TPH2: variants seen among roughly 807,000 people sequenced by gnomAD.
TPH2 encodes the protein tryptophan 5-hydroxylase 2.
Under a neutral mutation model 59.1 loss-of-function variants are expected in TPH2, and 27 were observed. The ratio of observed to expected loss-of-function variants is 0.46; its 90% confidence interval spans 0.34 to 0.63. TPH2 has a LOEUF of 0.63. Among genes scored for constraint, TPH2 ranks in the 30% least tolerant of loss-of-function variants. TPH2 has a pLI of 0.01. For missense variants in TPH2, 523 were observed against 588.3 expected (o/e 0.89, Z 1.15); for synonymous variants, 220 against 210.5 (o/e 1.05, Z -0.39).
intron 8 of TPH2, among the ~76,000 whole-genome samples, chr12:72,009,296 A>G (rs1188745876): frequency 6.6e-6 from 1 of 152,162 alleles, no homozygotes; most frequent in Non-Finnish European, 1.5e-5. Flanking sequence ...TCTGGCTACC[A>G]GCTCTCTTGG....
chr12:71,997,895 CA>C (rs944345158), intron 8 of TPH2, among the ~76,000 whole-genome samples: 17 of 152,264 alleles, frequency 1.1e-4, no homozygotes, highest in African/African-American at 4.1e-4. Flanking sequence ...TTTAGCTGAA[CA>C]TTCACCATGT....
At chr12:71,950,689 G>A (rs965088452) in intron 5 of TPH2, among the ~76,000 whole-genome samples, 2 of 152,124 alleles carry the variant, frequency 1.3e-5, no homozygotes, top group Admixed American at 1.3e-4. Context: ...AATCCATCTC[G>A]TAAGGGAAAG....
chr12:72,019,238 G>T (rs1372010042), intron 8 of TPH2, among the ~76,000 whole-genome samples: 2 of 152,148 alleles, frequency 1.3e-5, no homozygotes, highest in Non-Finnish European at 2.9e-5. Context: ...CTACTCTTGT[G>T]TGCCACTGCC....
rs547000530 is a variant in TPH2, at chr12:72,007,131, C to T, written c.1068+12566C>T. ...ACAAAATGGTTTTAGATGGAGATAG[C>T]ATGCTACTTTGCAATGTAAAGTGTT... On this transcript the variant is annotated intron_variant, in intron 8 of 10. Transcript: ENST00000333850. 7.9e-5 allele frequency among the ~76,000 whole-genome samples: 12 copies of T among 152,212 alleles called. No individual in the cohort carries two copies. In the East Asian group the frequency reaches 2.1e-3, roughly 27 times the overall value.
intron 5 of TPH2, among the ~76,000 whole-genome samples, chr12:71,954,221 G>C (rs1041226854): frequency 1.3e-5 from 2 of 152,142 alleles, no homozygotes; most frequent in South Asian, 4.2e-4. Flanking sequence ...CCACTCAGGC[G>C]AGCTTCTGAT....
At chr12:71,991,174 G>A (rs1215711286) in intron 7 of TPH2, among the ~76,000 whole-genome samples, 1 of 152,152 alleles carries the variant, frequency 6.6e-6, no homozygotes, top group Admixed American at 6.5e-5. Context: ...AATGTCTTTG[G>A]ATCTCTAGTA....
chr12:72,001,824 C>CTT (rs576272406), intron 8 of TPH2, among the ~76,000 whole-genome samples: 1 of 144,696 alleles, frequency 6.9e-6, no homozygotes, highest in Non-Finnish European at 1.5e-5. Flanking sequence ...TTAATAGTGG[C>CTT]TTTTTTTTTT....
intron 5 of TPH2, among the ~76,000 whole-genome samples, chr12:71,957,005 A>G (rs1871526664): frequency 6.6e-6 from 1 of 152,204 alleles, no homozygotes; most frequent in African/African-American, 2.4e-5. Flanking sequence ...AAGAGGTAGC[A>G]TGGTGTAGCA....
At chr12:71,940,619 T>A (rs1265793020) in intron 1 of TPH2, among the ~76,000 whole-genome samples, 1 of 152,156 alleles carries the variant, frequency 6.6e-6, no homozygotes, top group Non-Finnish European at 1.5e-5. Flanking sequence ...GACCACATAA[T>A]TTTGCATTGT....
intron 5 of TPH2, among the ~76,000 whole-genome samples, chr12:71,953,761 G>A (rs1871417823): frequency 6.6e-6 from 1 of 152,140 alleles, no homozygotes; most frequent in African/African-American, 2.4e-5. Context: ...ATATAGTTTG[G>A]TGATAAAATT....
At chr12:72,001,961 T>C (rs929747134) in intron 8 of TPH2, among the ~76,000 whole-genome samples, 2 of 152,100 alleles carry the variant, frequency 1.3e-5, no homozygotes, top group African/African-American at 4.8e-5. Flanking sequence ...TTTAGATAGA[T>C]AGAAGGAATA....
intron 9 of TPH2, among the ~76,000 whole-genome samples, chr12:72,026,969 A>T (rs1873585447): frequency 6.6e-6 from 1 of 152,080 alleles, no homozygotes; most frequent in South Asian, 2.1e-4. Context: ...GTGGAAAAAG[A>T]TGACTGTGAT....
At chr12:72,008,685 T>C (rs1490613205) in intron 8 of TPH2, among the ~76,000 whole-genome samples, 1 of 152,162 alleles carries the variant, frequency 6.6e-6, no homozygotes, top group Non-Finnish European at 1.5e-5. Flanking sequence ...AAATGTTGTG[T>C]GTAAGACCAT....
chr12:71,952,932 G>T (rs1461944372), intron 5 of TPH2, among the ~76,000 whole-genome samples: 1 of 152,124 alleles, frequency 6.6e-6, no homozygotes, highest in Non-Finnish European at 1.5e-5. Context: ...ATTTCCACAG[G>T]CTGTCTTCCA....
At chr12:71,957,196 T>G (rs1871532349) in intron 5 of TPH2, among the ~76,000 whole-genome samples, 1 of 152,208 alleles carries the variant, frequency 6.6e-6, no homozygotes, top group Admixed American at 6.5e-5. Flanking sequence ...ATTACAGGAC[T>G]CAGAGTGCTG....
In TPH2 at chr12:71,959,388, C is replaced by T. The variant is rs79941912; in HGVS notation, c.608+9733C>T. Among the ~76,000 whole-genome samples the T allele has an allele frequency of 9.3e-4, 142 of 152,270 alleles. 4 individuals carry two copies. The East Asian group carries it at 0.014, about 15-fold the overall frequency. On this transcript the variant is annotated intron_variant, in intron 5 of 10. Coordinates refer to ENST00000333850, the MANE Select transcript of TPH2 (RefSeq NM_173353.4). Reference sequence around the variant, plus strand: ...GTAGAGCTGTTTTGCTGCCCTGCTTCTCGCGTCCTAGTGCTCAGTACTGTG... The same window carrying T: ...GTAGAGCTGTTTTGCTGCCCTGCTTTTCGCGTCCTAGTGCTCAGTACTGTG...
At chr12:72,025,289 CT>C (rs1873536426) in intron 9 of TPH2, among the ~76,000 whole-genome samples, 1 of 152,154 alleles carries the variant, frequency 6.6e-6, no homozygotes, top group Admixed American at 6.5e-5. Flanking sequence ...TTGGGGTCAT[CT>C]TTACAACTTT....
At chr12:72,027,123 A>G (rs1873592783) in intron 9 of TPH2, among the ~76,000 whole-genome samples, 1 of 152,078 alleles carries the variant, frequency 6.6e-6, no homozygotes, top group Admixed American at 6.6e-5. Context: ...TTGCATATAG[A>G]ATAGTCGAGA....
In TPH2 at chr12:71,941,698, G is replaced by A; in HGVS notation, c.220G>A (p.Val74Ile). Residue 74 changes from valine to isoleucine, a missense_variant, in exon 2 of 11, where the codon GTT (valine) becomes ATT (isoleucine). Val to Ile is a conservative substitution (Grantham distance 29). Transcript: ENST00000333850. ...AGTTGTTTTCTCCTTGAAGAATGAA[G>A]TTGGTGGATTGGTAAAAGCACTGAG... ...TAVVFSLKNE[V>I]GGLVKALRLF... The A allele has an allele frequency of 6.2e-7, 1 of 1,614,106 alleles. No individual in the cohort carries two copies. The highest frequency in any genetic ancestry group is 1.1e-5 in the South Asian group (1 of 91,088).
Sources: allele counts gnomAD v4.1 joint callset (sites outside exome capture counted in the v4.1 genomes callset), GRCh38; gene constraint gnomAD v4.1.1; transcripts MANE v1.5; gene names NCBI Gene and HGNC (gene_info 2026-07-23, HGNC 2026-07-21).